Variants in DPP10 observed in about 807,000 individuals in gnomAD.
DPP10 encodes the protein dipeptidyl peptidase like 10.
In DPP10, 33 loss-of-function variants were observed where a neutral mutation model predicts 120.9. The observed-to-expected ratio is 0.27, with a 90% confidence interval of 0.21 to 0.37. The LOEUF (loss-of-function observed/expected upper bound fraction) is 0.37. Among genes scored for constraint, DPP10 ranks in the 10% least tolerant of loss-of-function variants. DPP10 has a pLI of 1.00. For missense variants in DPP10, 816 were observed against 942.8 expected, an observed-to-expected ratio of 0.87 and a Z score of 1.76; for synonymous variants, 337 against 326.1, an observed-to-expected ratio of 1.03 and a Z score of -0.36.
intron 3 of DPP10, among the ~76,000 whole-genome samples, chr2:115,452,038 TTAAA>T (rs1244117974): frequency 6.6e-6 from 1 of 151,918 alleles, no homozygotes; most frequent in Non-Finnish European, 1.5e-5. Flanking sequence ...CCAGGAGACT[TTAAA>T]TAAGTATCTT....
intron 1 of DPP10, among the ~76,000 whole-genome samples, chr2:114,942,342 TATATATAC>T (rs1462859198): frequency 2.2e-5 from 2 of 92,990 alleles, no homozygotes; most frequent in African/African-American, 4.2e-5. Context: ...TATATATACG[TATATATAC>T]ATATATATAT....
At chr2:115,345,052 T>A (rs1263468943) in intron 3 of DPP10, among the ~76,000 whole-genome samples, 1 of 152,218 alleles carries the variant, frequency 6.6e-6, no homozygotes, top group African/African-American at 2.4e-5. Context: ...TACTTGACAC[T>A]GATATGTCTC....
intron 1 of DPP10, among the ~76,000 whole-genome samples, chr2:114,797,455 T>C (rs1020802004): frequency 1.3e-5 from 2 of 152,154 alleles, no homozygotes; most frequent in African/African-American, 4.8e-5. Flanking sequence ...TAAATGACAG[T>C]CAGCATTACC....
chr2:115,767,588 A>G (rs1166609238), intron 12 of DPP10, among the ~76,000 whole-genome samples: 1 of 151,644 alleles, frequency 6.6e-6, no homozygotes, highest in Non-Finnish European at 1.5e-5. Context: ...GTGTGTGTAT[A>G]TATATATGTG....
At chr2:114,857,068 C>G (rs187244419) in intron 1 of DPP10, among the ~76,000 whole-genome samples, 1 of 152,244 alleles carries the variant, frequency 6.6e-6, no homozygotes, top group Admixed American at 6.5e-5. Context: ...CAGTTCAGAT[C>G]TCCCAGAGCT....
intron 1 of DPP10, among the ~76,000 whole-genome samples, chr2:115,060,722 G>A (rs1196928915): frequency 6.6e-6 from 1 of 152,166 alleles, no homozygotes; most frequent in African/African-American, 2.4e-5. Context: ...TATTCTGACA[G>A]GTTTCATTGG....
chr2:115,500,806 G>A (rs1317713172), intron 4 of DPP10, among the ~76,000 whole-genome samples: 2 of 152,008 alleles, frequency 1.3e-5, no homozygotes, highest in Admixed American at 1.3e-4. Context: ...TCCTTTGGGA[G>A]ATAATACTAA....
intron 5 of DPP10, among the ~76,000 whole-genome samples, chr2:115,618,047 A>G (rs1413750876): frequency 1.3e-5 from 2 of 152,196 alleles, no homozygotes; most frequent in Non-Finnish European, 2.9e-5. Flanking sequence ...GCATTGTGAC[A>G]TAACATTTAA....
chr2:115,794,062 A>G (rs988732188), intron 19 of DPP10, among the ~76,000 whole-genome samples: 5 of 152,174 alleles, frequency 3.3e-5, no homozygotes, highest in Non-Finnish European at 5.9e-5. Flanking sequence ...TTGACTTCCC[A>G]TTCTAAAAGT....
intron 1 of DPP10, among the ~76,000 whole-genome samples, chr2:114,898,479 C>T (rs187814968): frequency 6.6e-6 from 1 of 151,460 alleles, no homozygotes; most frequent in Admixed American, 6.6e-5. Flanking sequence ...GCACATGTAC[C>T]CTAAAACTTA....
chr2:115,366,844 T>G (rs1260832597), intron 3 of DPP10, among the ~76,000 whole-genome samples: 2 of 152,018 alleles, frequency 1.3e-5, no homozygotes, highest in African/African-American at 2.4e-5. Flanking sequence ...TCTTACCCCT[T>G]CAGCACTGAA....
intron 5 of DPP10, among the ~76,000 whole-genome samples, chr2:115,620,983 A>T (rs938056430): frequency 5.9e-5 from 9 of 152,152 alleles, no homozygotes; most frequent in Non-Finnish European, 1.0e-4. Flanking sequence ...GAGACTTCAA[A>T]CCCATTCTGA....
rs536473588 is a variant in DPP10 at position 115,586,972 on chromosome 2, A to G, written c.441+61000A>G. On this transcript the variant is annotated intron_variant, in intron 5 of 25. Coordinates refer to ENST00000410059, the MANE Select transcript of DPP10 (RefSeq NM_020868.6). ...AATGTGCAGTGATTAGCACAATCAA[A>G]TTCACACATTCACTAGCAGCCATGC... Among the ~76,000 whole-genome samples, 8 of 152,236 alleles carry G rather than the reference A, an allele frequency of 5.3e-5. No individual in the cohort carries two copies. In the East Asian group the frequency reaches 1.4e-3, roughly 26 times the overall value.
intron 1 of DPP10, among the ~76,000 whole-genome samples, chr2:115,108,739 T>C (rs921701325): frequency 6.6e-5 from 10 of 152,226 alleles, no homozygotes; most frequent in African/African-American, 2.4e-4. Context: ...CTTTAATCAT[T>C]TACCTGCTTG....
intron 1 of DPP10, among the ~76,000 whole-genome samples, chr2:115,009,430 G>T (rs902571446): frequency 2.0e-5 from 3 of 152,028 alleles, no homozygotes; most frequent in Non-Finnish European, 4.4e-5. Flanking sequence ...TCTGTTGTGG[G>T]GTGGGGGTTG....
At chr2:115,032,712 A>G (rs1019627949) in intron 1 of DPP10, among the ~76,000 whole-genome samples, 2 of 151,250 alleles carry the variant, frequency 1.3e-5, no homozygotes, top group African/African-American at 4.9e-5. Context: ...GAAACCCGGT[A>G]TCTACTGAAA....
At chr2:115,152,702 T>A (rs956945945) in intron 1 of DPP10, among the ~76,000 whole-genome samples, 1 of 152,176 alleles carries the variant, frequency 6.6e-6, no homozygotes, top group Admixed American at 6.5e-5. Context: ...TTATCCTCAG[T>A]ATGGGGTCCT....
chr2:115,775,006 A>G (rs1681924090), intron 13 of DPP10, among the ~76,000 whole-genome samples: 1 of 152,154 alleles, frequency 6.6e-6, no homozygotes, highest in South Asian at 2.1e-4. Flanking sequence ...AAGGTTATAC[A>G]TTTGGAAACA....
intron 3 of DPP10, among the ~76,000 whole-genome samples, chr2:115,470,584 T>C (rs1347589657): frequency 6.6e-6 from 1 of 152,166 alleles, no homozygotes; most frequent in Non-Finnish European, 1.5e-5. Flanking sequence ...AGAGAAACGA[T>C]TGGAATGTTT....
Sources: gnomAD v4.1 joint callset for allele counts (sites outside exome capture counted in the v4.1 genomes callset) on GRCh38, gnomAD v4.1.1 for gene constraint, MANE v1.5 for transcripts, NCBI Gene and HGNC (gene_info 2026-07-23, HGNC 2026-07-21) for gene names.